The following PAH variants were observed in gnomAD, a reference collection of about 807,000 sequenced individuals.
PAH encodes the protein phenylalanine-4-hydroxylase.
A neutral mutation model predicts 62.0 loss-of-function variants in PAH; 64 were observed. The ratio of observed to expected loss-of-function variants is 1.03; its 90% CI spans 0.84 to 1.27. The LOEUF is 1.27. PAH is among the 50% of genes most tolerant of loss of function. The pLI is 0.00. For synonymous variants in PAH, 195 were observed against 196.2 expected (o/e 0.99, Z 0.05); for missense variants, 579 against 542.8 (o/e 1.07, Z -0.66).
chr12:102,939,302 A>G (rs1213213636), intron 1 of PAH, among the ~76,000 whole-genome samples: 1 of 152,126 alleles, frequency 6.6e-6, no homozygotes, highest in Non-Finnish European at 1.5e-5. Context: ...CTTTACTCAC[A>G]TTTCCAGCAC....
chr12:102,881,092 C>A (rs956690014), intron 3 of PAH, among the ~76,000 whole-genome samples: 4 of 151,108 alleles, frequency 2.6e-5, no homozygotes, highest in Non-Finnish European at 5.9e-5. Flanking sequence ...CGGCTCACTG[C>A]AACCTACGCC....
chr12:102,943,429 G>A (rs1244760980), intron 1 of PAH, among the ~76,000 whole-genome samples: 4 of 152,138 alleles, frequency 2.6e-5, no homozygotes, highest in African/African-American at 9.7e-5. Context: ...GCAGATGTTG[G>A]TGAGGTTGTG....
rs114005259 is a variant in PAH, at chr12:102,940,727, G to C, written c.-96+9862C>G. ...CATCCCTGAAAGACAGGAAGAGAGA[G>C]CAAGCAACTTGGGAAAGATATTTGA... is the stretch of plus-strand genomic sequence containing the variant. On this transcript the variant is annotated intron_variant, in intron 1 of 3. Coordinates refer to the PAH transcript ENST00000546844. 4.9e-3 allele frequency among the ~76,000 whole-genome samples: 740 copies of C among 152,304 alleles called. 6 individuals are homozygous for C. The highest frequency in any genetic ancestry group is 0.017 in the African/African-American group (706 of 41,548).
upstream of PAH, among the ~76,000 whole-genome samples, chr12:102,920,599 G>GT (rs1878527035): frequency 6.6e-6 from 1 of 152,178 alleles, no homozygotes; most frequent in Admixed American, 6.5e-5. Flanking sequence ...CCCTTCTCTT[G>GT]TTTTTTTATT....
chr12:102,917,496 TC>T (rs1417994990), upstream of PAH: 1 of 329,786 alleles, frequency 3.0e-6, no homozygotes, highest in Non-Finnish European at 5.9e-6. Context: ...TTTAGGCACT[TC>T]CGGGACTCTC....
chr12:102,925,102 T>C (rs550201053), intron 1 of PAH, among the ~76,000 whole-genome samples: 1 of 152,296 alleles, frequency 6.6e-6, no homozygotes, highest in East Asian at 1.9e-4. Flanking sequence ...AAAAACTGCC[T>C]TTCCCAGCCT....
intron 6 of PAH, 39 bp from the exon 7 acceptor site, chr12:102,852,989 C>T: frequency 6.2e-7 from 1 of 1,611,202 alleles, no homozygotes; most frequent in African/African-American, 1.3e-5. Context: ...AAGCTCATCA[C>T]CACTGAGTCA....
chr12:102,947,233 GT>G (rs1879536342), intron 1 of PAH, among the ~76,000 whole-genome samples: 1 of 152,044 alleles, frequency 6.6e-6, no homozygotes, highest in African/African-American at 2.4e-5. Context: ...AGACTTGGTG[GT>G]TGTGGAGTGC....
At chr12:102,951,513 A>G (rs1418971448), upstream of PAH, among the ~76,000 whole-genome samples, 1 of 152,222 alleles carries the variant, frequency 6.6e-6, no homozygotes, top group Non-Finnish European at 1.5e-5. Context: ...CAGACTTTGC[A>G]AAAATAAAAA....
chr12:102,878,360 T>C (rs959383649), intron 3 of PAH, among the ~76,000 whole-genome samples: 3 of 152,078 alleles, frequency 2.0e-5, no homozygotes, highest in African/African-American at 7.2e-5. Context: ...CCTAAAGGAT[T>C]TCAGACTTGC....
At chr12:102,900,877 A>G (rs1877724858) in intron 2 of PAH, among the ~76,000 whole-genome samples, 3 of 151,884 alleles carry the variant, frequency 2.0e-5, no homozygotes, top group Admixed American at 2.0e-4. Flanking sequence ...TCTTGATATT[A>G]CTCCAAGTGG....
In PAH at chr12:102,889,553, T is replaced by G. The variant is rs145709329; in HGVS notation, c.352+5182A>C. On this transcript the variant is annotated intron_variant, in intron 3 of 12. Transcript: ENST00000553106. The stretch of plus-strand genomic sequence containing the variant: ...ATAGACGGATAGATAGATAGACAGA[T>G]AGATAGATAGATAGATAGACAGGCA... Among the ~76,000 whole-genome samples the G allele has an allele frequency of 4.7e-3, 711 of 151,974 alleles. 4 individuals carry two copies. The highest frequency in any genetic ancestry group is 0.016 in the African/African-American group (655 of 41,442).
At chr12:102,913,072 C>T (rs954514472) in intron 1 of PAH, among the ~76,000 whole-genome samples, 174 bp from the exon 2 acceptor site, 3 of 152,024 alleles carry the variant, frequency 2.0e-5, no homozygotes, top group African/African-American at 7.2e-5. Flanking sequence ...ATAAGTAAGT[C>T]CAGGGCAATT....
At chr12:102,870,199 T>C (rs1422361604) in intron 4 of PAH, among the ~76,000 whole-genome samples, 1 of 152,182 alleles carries the variant, frequency 6.6e-6, no homozygotes, top group Non-Finnish European at 1.5e-5. Context: ...GTCTTGAGTA[T>C]TCTTGTAGAC....
intron 1 of PAH, among the ~76,000 whole-genome samples, chr12:102,947,581 A>T (rs1879552720): frequency 6.6e-6 from 1 of 152,208 alleles, no homozygotes; most frequent in Admixed American, 6.5e-5. Context: ...AGTACTGAGA[A>T]ACAAAGGATC....
In PAH at chr12:102,851,771, G is replaced by A. The variant is rs1312968096; in HGVS notation, c.843-15C>T. On this transcript the variant is annotated splice_polypyrimidine_tract_variant and intron_variant, in intron 7 of 12. Transcript: ENST00000553106. ...GGCAGATGTCACTGAAAGACAGAAA[G>A]CACAGAGAGCTCGGAGGGGAGGAGG... 1 of 1,611,216 alleles carries A rather than the reference G, an allele frequency of 6.2e-7. No individual in the cohort carries two copies. Among genetic ancestry groups the A allele is most frequent in the Non-Finnish European group, 8.5e-7 (1 of 1,177,428 alleles).
intron 12 of PAH, 91 bp downstream of exon 12, chr12:102,840,309 A>G: frequency 1.2e-6 from 1 of 825,578 alleles, no homozygotes; most frequent in Admixed American, 1.9e-5. Context: ...ATATTTCAAT[A>G]AATTTATTAT....
At chr12:102,853,866 A>G (rs981139526) in intron 6 of PAH, among the ~76,000 whole-genome samples, 1 of 152,194 alleles carries the variant, frequency 6.6e-6, no homozygotes, top group African/African-American at 2.4e-5. Flanking sequence ...TGAAGTAGAC[A>G]CTTTTATTAT....
At chr12:102,944,013 A>AT in intron 1 of PAH, among the ~76,000 whole-genome samples, 1 of 152,332 alleles carries the variant, frequency 6.6e-6, no homozygotes, top group African/African-American at 2.4e-5. Context: ...ACCTGTAGGT[A>AT]TAGTCCCTGA....
Sources: gnomAD v4.1 joint callset for allele counts (sites outside exome capture counted in the v4.1 genomes callset) on GRCh38, gnomAD v4.1.1 for gene constraint, MANE v1.5 for transcripts, NCBI Gene and HGNC (gene_info 2026-07-23, HGNC 2026-07-21) for gene names.